The following OMD variants were observed in gnomAD, a reference collection of about 807,000 sequenced individuals.
OMD encodes the protein KSPG osteomodulin.
Under a neutral mutation model 31.2 loss-of-function variants are expected in OMD, and 19 were observed. The ratio of observed to expected loss-of-function variants is 0.61; its 90% CI spans 0.42 to 0.89. OMD has a LOEUF of 0.89. OMD is among the 40% of genes least tolerant of loss of function. The pLI is 0.00. For missense variants in OMD, 448 were observed against 490.8 expected, an observed-to-expected ratio of 0.91 and a Z score of 0.82; for synonymous variants, 155 against 166.4, an observed-to-expected ratio of 0.93 and a Z score of 0.53.
intron 1 of OMD, among the ~76,000 whole-genome samples, chr9:92,419,839 T>C (rs989616627): frequency 6.6e-6 from 1 of 152,218 alleles, no homozygotes; most frequent in Non-Finnish European, 1.5e-5. Flanking sequence ...AAATGACTTA[T>C]CTCCTGTTCA....
chr9:92,416,740 T>G lies in OMD; in HGVS notation c.819A>C (p.Pro273=). 6.2e-7 allele frequency: 1 copy of G among 1,613,608 alleles called. No individual in the cohort carries two copies. Among genetic ancestry groups the G allele is most frequent in the Non-Finnish European group, 8.5e-7 (1 of 1,179,588 alleles). Residue 273 remains proline, a synonymous_variant, in exon 2 of 3, where the codon CCA becomes CCC. Coordinates refer to ENST00000375550, the MANE Select transcript of OMD (RefSeq NM_005014.3). ...RMSHNKLQDI[P]YNIFNLPNIV... ...TGTTGGGAAGATTAAAAATATTATA[T>G]GGGATGTCTTGTAGTTTGTTGTGTG...
rs1241816866 is a variant in OMD, at chr9:92,420,689, C to T, written c.-16-3115G>A. The stretch of plus-strand genomic sequence containing the variant: ...AATAGGATCAAGATATCATTTATTT[C>T]TATTTTCTTATATGTATCCCTACCT... On this transcript the variant is annotated intron_variant, in intron 1 of 2. Transcript: ENST00000375550. Among the ~76,000 whole-genome samples, 7 of 151,620 alleles carry T rather than the reference C, an allele frequency of 4.6e-5. No individual in the cohort carries two copies. The East Asian group carries it at 1.4e-3, about 29-fold the overall frequency.
chr9:92,421,116 C>T (rs917140212), intron 1 of OMD, among the ~76,000 whole-genome samples: 3 of 152,146 alleles, frequency 2.0e-5, no homozygotes, highest in African/African-American at 7.2e-5. Flanking sequence ...GCACTCTTGG[C>T]TCACCCTCCA....
rs1843550089 is a variant in OMD at position 92,415,109 on chromosome 9, T to C, written c.*43A>G. ...TTACTTAGATTTACTATATTAAGTA[T>C]AGGTTTTGTGAAGTCGTAAGTGTAT... On this transcript the variant is annotated 3_prime_UTR_variant, in exon 3 of 3. Transcript: ENST00000375550. 1.4e-6 allele frequency: 2 copies of C among 1,399,174 alleles called. No individual in the cohort carries two copies. Among genetic ancestry groups the C allele is most frequent in the Non-Finnish European group, 9.8e-7 (1 of 1,025,512 alleles). The allele number at this position is 1,399,174 out of a possible 1,614,324, so 86.7% of individuals were successfully genotyped here.
intron 1 of OMD, among the ~76,000 whole-genome samples, chr9:92,418,365 G>A (rs2130962843): frequency 6.6e-6 from 1 of 151,972 alleles, no homozygotes; most frequent in South Asian, 2.1e-4. Context: ...GGGATTACAG[G>A]CGTGAGCCAC....
chr9:92,415,063 A>C lies in OMD; in HGVS notation c.*89T>G. On this transcript the variant is annotated 3_prime_UTR_variant, in exon 3 of 3. Coordinates refer to ENST00000375550, the MANE Select transcript of OMD (RefSeq NM_005014.3). ...TATACTAATACATAATTCTAAATAT[A>C]TTACTTTGAGTAATACATGTTTACT... 1 of 992,242 alleles carries C rather than the reference A, an allele frequency of 1.0e-6. No individual in the cohort carries two copies. The highest frequency in any genetic ancestry group is 1.4e-6 in the Non-Finnish European group (1 of 691,582). The allele number at this position is 992,242 out of a possible 1,614,324, so 61.5% of individuals were successfully genotyped here. A position where few individuals can be genotyped will look rare whatever the true frequency, so the allele number is the denominator to read the frequency against.
rs1843488436 is a variant in OMD, at chr9:92,413,001, T to TTTTTTTTTG, written c.*2150_*2151insCAAAAAAAA. On this transcript the variant is annotated 3_prime_UTR_variant, in exon 3 of 3. Coordinates refer to ENST00000375550, the MANE Select transcript of OMD (RefSeq NM_005014.3). ...TTTTTTTTTTTTTTTTTTTTTTTTT[T>TTTTTTTTTG]GATATGGACTTTTGCTCTTGTTGCC... is the stretch of plus-strand genomic sequence containing the variant. Among the ~76,000 whole-genome samples, 2 of 129,924 alleles carry TTTTTTTTTG rather than the reference T, an allele frequency of 1.5e-5. No homozygotes were observed. The highest frequency in any genetic ancestry group is 2.7e-5 in the African/African-American group (1 of 37,470). 85.2% of individuals were successfully genotyped at this position (129,924 alleles called of 152,430 possible). A position where few individuals can be genotyped will look rare whatever the true frequency, so the allele number is the denominator to read the frequency against.
chr9:92,420,294 T>C (rs1337487226), intron 1 of OMD, among the ~76,000 whole-genome samples: 1 of 152,198 alleles, frequency 6.6e-6, no homozygotes, highest in African/African-American at 2.4e-5. Context: ...CCTCCCAACA[T>C]TGTCAGTTCC....
rs1409196064 is a variant in OMD at position 92,413,878 on chromosome 9, C to G, written c.*1274G>C. ...TCAAAGATGTAAAGAGCATTAAAGA[C>G]TTCACTTTAAACTGGTATTTCCAGA... On this transcript the variant is annotated 3_prime_UTR_variant, in exon 3 of 3. Coordinates refer to ENST00000375550, the MANE Select transcript of OMD (RefSeq NM_005014.3). Among the ~76,000 whole-genome samples the G allele has an allele frequency of 6.6e-6, 1 of 152,166 alleles. No individual in the cohort carries two copies. The highest frequency in any genetic ancestry group is 2.4e-5 in the African/African-American group (1 of 41,434).
In OMD at chr9:92,416,958, A is replaced by T. The variant is rs1478227937; in HGVS notation, c.601T>A (p.Ser201Thr). The change falls in exon 2 of 3, where the codon TCT (serine) becomes ACT (threonine). Residue 201 changes from serine (S) to threonine (T), a missense_variant. Transcript: ENST00000375550. ...GCAAAGATTTTGTCTTTTAGCAGAG[A>T]ATCATGAAGATAATTATAACAGAGA... Reference protein sequence around the residue: ...LDLCYNYLHDSLLKDKIFAKM... With the variant: ...LDLCYNYLHDTLLKDKIFAKM... The T allele has an allele frequency of 6.2e-7, 1 of 1,613,862 alleles. No homozygotes were observed. Among genetic ancestry groups the T allele is most frequent in the South Asian group, 1.1e-5 (1 of 91,072 alleles).
In OMD at chr9:92,412,914, T is replaced by A. The variant is rs1323183643; in HGVS notation, c.*2238A>T. Among the ~76,000 whole-genome samples, 1 of 151,548 alleles carries A rather than the reference T, an allele frequency of 6.6e-6. No individual in the cohort carries two copies. Among genetic ancestry groups the A allele is most frequent in the Non-Finnish European group, 1.5e-5 (1 of 67,894 alleles). ...ATATGCAAATTTTGGTGTGAACATG[T>A]GTGTTCAGTTCTATTGGGTATATAG... is the stretch of plus-strand genomic sequence containing the variant. On this transcript the variant is annotated 3_prime_UTR_variant, in exon 3 of 3. Transcript: ENST00000375550.
chr9:92,415,831 A>G (rs1427619952), intron 2 of OMD, among the ~76,000 whole-genome samples: 1 of 146,094 alleles, frequency 6.8e-6, no homozygotes, highest in African/African-American at 2.5e-5. Context: ...CTGACAATTT[A>G]TACATATATA....
At chr9:92,418,681 G>A (rs981754065) in intron 1 of OMD, among the ~76,000 whole-genome samples, 1 of 152,098 alleles carries the variant, frequency 6.6e-6, no homozygotes, top group Non-Finnish European at 1.5e-5. Context: ...ACTTCTATTT[G>A]CTGATACCTT....
chr9:92,423,097 A>T (rs1327899925), intron 1 of OMD, among the ~76,000 whole-genome samples: 1 of 152,182 alleles, frequency 6.6e-6, no homozygotes, highest in African/African-American at 2.4e-5. Flanking sequence ...CTAGGCATTT[A>T]TTTCACTATG....
intron 1 of OMD, among the ~76,000 whole-genome samples, chr9:92,420,150 T>C (rs1265428625): frequency 6.6e-6 from 1 of 152,164 alleles, no homozygotes; most frequent in African/African-American, 2.4e-5. Context: ...CTGGAACCCT[T>C]CATACTCTTC....
At chr9:92,416,445 A>G (rs552034442) in intron 2 of OMD, among the ~76,000 whole-genome samples, 174 bp downstream of exon 2, 1 of 152,288 alleles carries the variant, frequency 6.6e-6, no homozygotes, top group Non-Finnish European at 1.5e-5. Context: ...AATAAAAAGG[A>G]CTATAAACTG....
rs766012636 is a variant in OMD at position 92,417,151 on chromosome 9, C to G, written c.408G>C (p.Val136=). The G allele has an allele frequency of 6.2e-7, 1 of 1,613,784 alleles. No individual in the cohort carries two copies. The highest frequency in any genetic ancestry group is 1.1e-5 in the South Asian group (1 of 91,076). The stretch of plus-strand genomic sequence containing the variant: ...GTAGTAGATTTGGAAGCTTAGCAAA[C>G]ACACCATAATCAATCTTTTGAGATT... The part of the protein sequence containing the change: ...KIKSQKIDYG[V]FAKLPNLLQL... Residue 136 remains valine (V), a synonymous_variant, in exon 2 of 3, where the codon GTG becomes GTC. Coordinates refer to ENST00000375550, the MANE Select transcript of OMD (RefSeq NM_005014.3).
chr9:92,417,087 A>G lies in OMD; in HGVS notation c.472T>C (p.Phe158Leu). The G allele has an allele frequency of 6.2e-7, 1 of 1,613,842 alleles. No homozygotes were observed. The highest frequency in any genetic ancestry group is 1.1e-5 in the South Asian group (1 of 91,068). The change falls in exon 2 of 3, where the codon TTT (phenylalanine) becomes CTT (leucine). Residue 158 changes from phenylalanine (F) to leucine (L), a missense_variant. Coordinates refer to ENST00000375550, the MANE Select transcript of OMD (RefSeq NM_005014.3). ...CTTTCCAGAGATTTAGGAAGAGGAA[A>G]TGGAAATTCTTCTAAATTATTATGC... ...LEHNNLEEFP[F>L]PLPKSLERLL...
rs1843903972 is a variant in OMD at position 92,424,370 on chromosome 9, T to TCGGG, written c.-186_-185insCCCG. The stretch of plus-strand genomic sequence containing the variant: ...AGCAATTTAAGCAAATACAATCTTC[T>TCGGG]TGGAAAACACTCGGGTTGAATTAAA... On this transcript the variant is annotated 5_prime_UTR_variant, in exon 1 of 3. Transcript: ENST00000375550. The TCGGG allele has an allele frequency of 2.0e-5, 3 of 152,186 alleles. No individual in the cohort carries two copies. The South Asian group carries it at 6.2e-4, about 32-fold the overall frequency. The allele number at this position is 152,186 out of a possible 1,614,324, so 9.4% of individuals were successfully genotyped here.
Sources: allele counts gnomAD v4.1 joint callset (sites outside exome capture counted in the v4.1 genomes callset), GRCh38; gene constraint gnomAD v4.1.1; transcripts MANE v1.5; gene names NCBI Gene and HGNC (gene_info 2026-07-23, HGNC 2026-07-21).